ADGRG7: variants seen among roughly 807,000 people sequenced by gnomAD.
The protein encoded by ADGRG7 is G-protein coupled receptor 128.
ADGRG7 carries 82 observed loss-of-function variants against 88.6 expected under a neutral mutation model. That is an observed-to-expected ratio of 0.93 (90% confidence interval 0.77 to 1.11). The LOEUF (loss-of-function observed/expected upper bound fraction) is 1.11. Ranked by LOEUF, ADGRG7 falls within the 50% of genes most tolerant of loss-of-function variation. The pLI is 0.00. For missense variants in ADGRG7, 945 were observed against 953.4 expected (o/e 0.99, Z 0.12); for synonymous variants, 381 against 345.2 (o/e 1.10, Z -1.15).
chr3:100,679,138 A>C (rs2094969524), intron 15 of ADGRG7, among the ~76,000 whole-genome samples: 2 of 152,152 alleles, frequency 1.3e-5, no homozygotes, highest in Non-Finnish European at 1.5e-5. Context: ...TTGGTGCTCT[A>C]TTCTACTGTG....
intron 1 of ADGRG7, among the ~76,000 whole-genome samples, chr3:100,624,994 G>T (rs1707363111): frequency 1.3e-5 from 2 of 152,090 alleles, no homozygotes; most frequent in African/African-American, 4.8e-5. Context: ...TGTTCTTTTT[G>T]CTTAGGATTG....
intron 4 of ADGRG7, among the ~76,000 whole-genome samples, chr3:100,634,861 A>G (rs1179045934): frequency 1.3e-5 from 2 of 152,242 alleles, no homozygotes; most frequent in East Asian, 3.8e-4. Context: ...CCTAGCACAT[A>G]GCAGGGATCT....
At chr3:100,637,562 A>T (rs943055724) in intron 6 of ADGRG7, 160 bp downstream of exon 6, 12 of 598,398 alleles carry the variant, frequency 2.0e-5, no homozygotes, top group African/African-American at 1.5e-4. Flanking sequence ...CTTGACCTTT[A>T]GTTACTAGAT....
intron 1 of ADGRG7, among the ~76,000 whole-genome samples, chr3:100,622,396 C>G (rs1707326450): frequency 6.6e-6 from 1 of 151,012 alleles, no homozygotes; most frequent in African/African-American, 2.4e-5. Context: ...TTGCATGGGT[C>G]TATTTATGGA....
chr3:100,683,138 G>A (rs2094976348), intron 15 of ADGRG7, among the ~76,000 whole-genome samples: 1 of 152,172 alleles, frequency 6.6e-6, no homozygotes, highest in Non-Finnish European at 1.5e-5. Flanking sequence ...CTATCACTCA[G>A]TAAAGCTCCT....
At chr3:100,642,936 TG>T (rs1707669881) in intron 6 of ADGRG7, among the ~76,000 whole-genome samples, 1 of 152,236 alleles carries the variant, frequency 6.6e-6, no homozygotes. Flanking sequence ...GCCTTGCCAA[TG>T]GTGGGTGGCA....
At chr3:100,636,646 A>G (rs1244698230) in intron 5 of ADGRG7, among the ~76,000 whole-genome samples, 2 of 24,192 alleles carry the variant, frequency 8.3e-5, no homozygotes, top group Non-Finnish European at 1.3e-4. Flanking sequence ...TTTGTTTCAG[A>G]AAAAAAAAAT....
intron 6 of ADGRG7, among the ~76,000 whole-genome samples, chr3:100,638,054 T>A (rs948200633): frequency 6.6e-6 from 1 of 152,208 alleles, no homozygotes; most frequent in African/African-American, 2.4e-5. Context: ...CCAGAGGGCA[T>A]GTTACAATGC....
chr3:100,690,815 AG>A (rs1056107605), intron 15 of ADGRG7, among the ~76,000 whole-genome samples: 1 of 152,228 alleles, frequency 6.6e-6, no homozygotes, highest in African/African-American at 2.4e-5. Context: ...CTCGGGGGTC[AG>A]GGACCCACTT....
intron 1 of ADGRG7, among the ~76,000 whole-genome samples, chr3:100,610,912 C>T (rs1707138292): frequency 6.6e-6 from 1 of 152,110 alleles, no homozygotes; most frequent in Non-Finnish European, 1.5e-5. Flanking sequence ...CTGCAAAGAT[C>T]CAGTGTTGAA....
chr3:100,677,863 T>G (rs181769864), intron 15 of ADGRG7, among the ~76,000 whole-genome samples: 1 of 152,268 alleles, frequency 6.6e-6, no homozygotes, highest in African/African-American at 2.4e-5. Flanking sequence ...TCTTTATCCT[T>G]GACCTTTGGG....
Position 100,650,967 on chromosome 3 carries a change from G to A in ADGRG7, c.1379+1160G>A, listed in dbSNP as rs917926409. Among the ~76,000 whole-genome samples, 4 of 152,094 alleles carry A rather than the reference G, an allele frequency of 2.6e-5. No homozygotes were observed. The South Asian group carries it at 6.2e-4, about 24-fold the overall frequency. On this transcript the variant is annotated intron_variant, in intron 11 of 15. Coordinates refer to ENST00000273352, the MANE Select transcript of ADGRG7 (RefSeq NM_032787.3). ...GAGCCCCTTCATGTTGTTTTGCCACGTCTCAGTCTTTAGTCACTTCCTTAT... is the reference window on the plus strand; with the variant it reads ...GAGCCCCTTCATGTTGTTTTGCCACATCTCAGTCTTTAGTCACTTCCTTAT...
At chr3:100,642,867 G>A (rs1159195484) in intron 6 of ADGRG7, among the ~76,000 whole-genome samples, 81 of 152,328 alleles carry the variant, frequency 5.3e-4, no homozygotes, top group Non-Finnish European at 1.2e-4. Flanking sequence ...TGGGTGAGAG[G>A]AAGAAGATGA....
At chr3:100,612,932 C>T (rs1707174510) in intron 1 of ADGRG7, among the ~76,000 whole-genome samples, 1 of 152,156 alleles carries the variant, frequency 6.6e-6, no homozygotes, top group Admixed American at 6.6e-5. Flanking sequence ...ATTCTGTCTC[C>T]AGGCTGGACT....
chr3:100,654,187 C>T (rs981682605), intron 11 of ADGRG7: 4 of 152,230 alleles, frequency 2.6e-5, no homozygotes, highest in Non-Finnish European at 5.9e-5. Context: ...TCCCGGTACA[C>T]CTTTATACTA....
intron 4 of ADGRG7, among the ~76,000 whole-genome samples, chr3:100,634,155 G>A (rs963900534): frequency 6.6e-6 from 1 of 152,154 alleles, no homozygotes; most frequent in African/African-American, 2.4e-5. Context: ...AAATTATTTT[G>A]ACCAAAGTTG....
chr3:100,665,117 A>G, intron 14 of ADGRG7: 2 of 526,154 alleles, frequency 3.8e-6, no homozygotes, highest in Admixed American at 2.0e-5. Context: ...TCTTATTTCA[A>G]ATATCTTGGT....
At chr3:100,665,274 A>G in intron 14 of ADGRG7, 2 of 540,706 alleles carry the variant, frequency 3.7e-6, no homozygotes, top group East Asian at 5.4e-5. Context: ...ACTATACACA[A>G]TGAAACGAGG....
Position 100,694,943 on chromosome 3 carries a change from C to T in ADGRG7, c.2336C>T (p.Ser779Phe). 6.2e-7 allele frequency: 1 copy of T among 1,614,162 alleles called. No homozygotes were observed. ...LHERFRLLET[S>F]PSTEEITLSE... ...GAACGCTTTAGGCTACTGGAAACCT[C>T]TCCGAGTACTGAGGAAATCACACTC... Residue 779 changes from serine to phenylalanine, a missense_variant, in exon 16 of 16, where the codon TCT becomes TTT. Physicochemically the swap from Ser to Phe is radical, Grantham distance 155 (BLOSUM62 -2). Transcript: ENST00000273352.
Sources: allele counts gnomAD v4.1 joint callset (sites outside exome capture counted in the v4.1 genomes callset), GRCh38; gene constraint gnomAD v4.1.1; transcripts MANE v1.5; gene names NCBI Gene and HGNC (gene_info 2026-07-23, HGNC 2026-07-21).